Variants in ZNF500 observed in about 807,000 individuals in gnomAD.
ZNF500 encodes the protein zinc finger protein 500.
Under a neutral mutation model 30.1 loss-of-function variants are expected in ZNF500, and 31 were observed. That is an observed-to-expected ratio of 1.03 (90% confidence interval 0.77 to 1.39). The LOEUF is 1.39. ZNF500 is among the 40% of genes most tolerant of loss of function. The probability of loss-of-function intolerance (pLI) is 0.00; values close to 1 mark genes in which losing one functional copy is unlikely to be tolerated. For synonymous variants in ZNF500, 392 were observed against 282.0 expected, an observed-to-expected ratio of 1.39 and a Z score of -3.91; for missense variants, 817 against 657.8, an observed-to-expected ratio of 1.24 and a Z score of -2.65.
intron 3 of ZNF500, 28 bp downstream of exon 3, chr16:4,762,545 C>G: frequency 6.3e-7 from 1 of 1,591,988 alleles, no homozygotes; most frequent in Non-Finnish European, 8.6e-7. Flanking sequence ...TGCACCACTT[C>G]TCATTCCTCC....
At chr16:4,765,458 G>A in intron 2 of ZNF500, 107 bp downstream of exon 2, 1 of 1,462,186 alleles carries the variant, frequency 6.8e-7, no homozygotes, top group Non-Finnish European at 9.2e-7. Flanking sequence ...AGGGCTCAGG[G>A]GCCAGGCAGC....
downstream of ZNF500, among the ~76,000 whole-genome samples, chr16:4,745,808 C>G (rs1030910043): frequency 6.6e-6 from 1 of 152,078 alleles, no homozygotes; most frequent in African/African-American, 2.4e-5. Flanking sequence ...AAAAAATTTT[C>G]CAGGCATGTT....
At position 4,765,780 on chromosome 16, in the gene ZNF500, C is replaced by T; in HGVS notation, c.199G>A (p.Ala67Thr). 6.2e-7 allele frequency: 1 copy of T among 1,612,878 alleles called. No homozygotes were observed. The highest frequency in any genetic ancestry group is 1.7e-5 in the Admixed American group (1 of 59,992). The change falls in exon 2 of 6, where the codon GCC becomes ACC. Residue 67 changes from alanine (A) to threonine (T), a missense_variant. Physicochemically the swap from Ala to Thr is moderately conservative, Grantham distance 58. Coordinates refer to ENST00000219478, the MANE Select transcript of ZNF500 (RefSeq NM_021646.4). ...CACAGCTCCCAGAGGCGGCTCAGGG[C>T]CTCCCGGGGCCCAGCCACCTCCTGG... ...CYQEVAGPRE[A>T]LSRLWELCCR... is the part of the protein sequence containing the mutation.
At chr16:4,764,738 C>T (rs898410595) in intron 2 of ZNF500, among the ~76,000 whole-genome samples, 31 of 145,858 alleles carry the variant, frequency 2.1e-4, no homozygotes, top group Non-Finnish European at 3.4e-4. Flanking sequence ...GCCGAGATTG[C>T]GCCACTGCTC....
intron 1 of ZNF500, 168 bp from the exon 2 acceptor site, chr16:4,766,244 T>G: frequency 3.3e-4 from 109 of 328,756 alleles, no homozygotes; most frequent in East Asian, 9.4e-4. Flanking sequence ...AATTCCCGGG[T>G]AATTTACTGA....
chr16:4,765,448 A>G, intron 2 of ZNF500, 117 bp downstream of exon 2: 1 of 1,414,926 alleles, frequency 7.1e-7, no homozygotes, highest in African/African-American at 1.4e-5. Flanking sequence ...TTTCCTCAAA[A>G]GGGCTCAGGG....
chr16:4,746,891 G>C (rs775421710), downstream of ZNF500: 4 of 1,503,066 alleles, frequency 2.7e-6, no homozygotes, highest in South Asian at 3.8e-5. Flanking sequence ...ACCAGGTGGA[G>C]TGGGCACATC....
Position 4,760,497 on chromosome 16 carries a change from T to C in ZNF500, c.755A>G (p.Asn252Ser). ...CACAATCACTTGCAAGTTACCTTCATTCTCCAGCGGCGCGTCCCGCTGAGC... is the reference window on the plus strand; with the variant it reads ...CACAATCACTTGCAAGTTACCTTCACTCTCCAGCGGCGCGTCCCGCTGAGC... ...DPAQRDAPLE[N>S]EGPGIQLEDG... is the part of the protein sequence containing the mutation. The change falls in exon 5 of 6, where the codon AAT becomes AGT. Residue 252 changes from asparagine to serine, a missense_variant. Transcript: ENST00000219478. 6.2e-7 allele frequency: 1 copy of C among 1,613,486 alleles called. No individual in the cohort carries two copies. Among genetic ancestry groups the C allele is most frequent in the Non-Finnish European group, 8.5e-7 (1 of 1,179,686 alleles).
intron 2 of ZNF500, chr16:4,764,092 G>T: frequency 2.0e-6 from 2 of 985,476 alleles, no homozygotes; most frequent in Non-Finnish European, 2.4e-6. Flanking sequence ...GGGGCTGGAA[G>T]GAGGTGGAGA....
chr16:4,765,461 C>A (rs1430113926), intron 2 of ZNF500, 104 bp downstream of exon 2: 1 of 1,470,350 alleles, frequency 6.8e-7, no homozygotes, highest in African/African-American at 1.4e-5. Flanking sequence ...GCTCAGGGGC[C>A]AGGCAGCCAC....
In ZNF500 at chr16:4,752,862, A is replaced by T; in HGVS notation, c.957T>A (p.His319Gln). 1 of 1,613,938 alleles carries T rather than the reference A, an allele frequency of 6.2e-7. No individual in the cohort carries two copies. Among genetic ancestry groups the T allele is most frequent in the South Asian group, 1.1e-5 (1 of 91,084 alleles). The change falls in exon 6 of 6, where the codon CAT becomes CAA. Residue 319 changes from histidine (H) to glutamine (Q), a missense_variant. Coordinates refer to ENST00000219478, the MANE Select transcript of ZNF500 (RefSeq NM_021646.4). ...GGPPPGRRAS[H>Q]GADKPYTCPE... ...GGCAGGTGTACGGCTTGTCAGCCCC[A>T]TGGGAAGCCCGTCTTCCTGGTGGGG...
At position 4,751,382 on chromosome 16, in the gene ZNF500, G is replaced by A; in HGVS notation, c.*994C>T. The stretch of plus-strand genomic sequence containing the variant: ...GGAGCAAACGCAGCCCTGGGCCCCG[G>A]CCCTGGGGAGATGTCAGGCCCGTCA... On this transcript the variant is annotated 3_prime_UTR_variant, in exon 6 of 6. Coordinates refer to ENST00000219478, the MANE Select transcript of ZNF500 (RefSeq NM_021646.4). 1 of 579,116 alleles carries A rather than the reference G, an allele frequency of 1.7e-6. No homozygotes were observed. Among genetic ancestry groups the A allele is most frequent in the Non-Finnish European group, 3.0e-6 (1 of 332,498 alleles). The allele number at this position is 579,116 out of a possible 1,614,324, so 35.9% of individuals were successfully genotyped here.
Position 4,752,390 on chromosome 16 carries a change from CG to C in ZNF500, c.1428del (p.Gly477ValfsTer9). On this transcript the variant is annotated frameshift_variant, in exon 6 of 6. Transcript: ENST00000219478. LOFTEE classifies it high-confidence loss of function. ...AGGCCTGGTGATCAGGCTTTGGCAC[CG>C]GGGCCTCCAGGAGCCACCGGCTGGA... ...PTLQPVAPGG[P>X]GAKA 6.6e-7 allele frequency: 1 copy of C among 1,505,736 alleles called. No individual in the cohort carries two copies. Among genetic ancestry groups the C allele is most frequent in the Non-Finnish European group, 8.8e-7 (1 of 1,130,206 alleles). The allele number at this position is 1,505,736 out of a possible 1,614,324, so 93.3% of individuals were successfully genotyped here.
chr16:4,752,760 G>A lies in ZNF500; in HGVS notation c.1059C>T (p.Tyr353=), dbSNP rs146768379. Reference sequence around the variant, plus strand: ...AGCCCTTCCCACAGACTAGGCACTTGTAAGGCCGCTCGCCCGTGTGTGTGC... The same window carrying A: ...AGCCCTTCCCACAGACTAGGCACTTATAAGGCCGCTCGCCCGTGTGTGTGC... ...HQRTHTGERP[Y]KCLVCGKGFS... Residue 353 remains tyrosine, a synonymous_variant, in exon 6 of 6, where the codon TAC becomes TAT. Transcript: ENST00000219478. 4.3e-6 allele frequency: 7 copies of A among 1,614,212 alleles called. No homozygotes were observed. In the Admixed American group the frequency reaches 8.3e-5, roughly 19 times the overall value.
downstream of ZNF500, chr16:4,746,521 G>A (rs2082019478): frequency 6.2e-7 from 1 of 1,611,710 alleles, no homozygotes; most frequent in Non-Finnish European, 8.5e-7. Flanking sequence ...AGGTCCGGAG[G>A]GCAGTGACTA....
chr16:4,766,658 G>T (rs1205310949), intron 1 of ZNF500, among the ~76,000 whole-genome samples: 1 of 152,174 alleles, frequency 6.6e-6, no homozygotes, highest in Non-Finnish European at 1.5e-5. Context: ...CAGAGCTCGA[G>T]AATCGTTATT....
rs2082077448 is a variant in ZNF500, at chr16:4,751,515, G to C, written c.*861C>G. 2.0e-6 allele frequency: 3 copies of C among 1,482,508 alleles called. No individual in the cohort carries two copies. The highest frequency in any genetic ancestry group is 2.7e-6 in the Non-Finnish European group (3 of 1,111,314). The allele number at this position is 1,482,508 out of a possible 1,614,324, so 91.8% of individuals were successfully genotyped here. A position where few individuals can be genotyped will look rare whatever the true frequency, so the allele number is the denominator to read the frequency against. On this transcript the variant is annotated 3_prime_UTR_variant, in exon 6 of 6. Transcript: ENST00000219478. ...GATCTGCAAAGGGGACTGGAATGCT[G>C]CAGAGCCCCGGGCTCCATTTGGAAA...
At position 4,762,122 on chromosome 16, in the gene ZNF500, T is replaced by A. The variant is rs563839060; in HGVS notation, c.663+149A>T. The A allele has an allele frequency of 4.4e-6, 4 of 899,822 alleles. No homozygotes were observed. The South Asian group carries it at 4.5e-5, about 10-fold the overall frequency. The allele number at this position is 899,822 out of a possible 1,614,324, so 55.7% of individuals were successfully genotyped here. ...AGGCCAGGGGAAGTGACTCCAGGGT[T>A]GGGGCAAAGGGAGAAAACTCCAGGG... On this transcript the variant is annotated intron_variant, in intron 4 of 5. Transcript: ENST00000219478.
chr16:4,745,676 C>G (rs187697793), downstream of ZNF500, among the ~76,000 whole-genome samples: 1 of 152,180 alleles, frequency 6.6e-6, no homozygotes, highest in Non-Finnish European at 1.5e-5. Context: ...CCTGGCTGGG[C>G]GCGGTGGCTC....
Sources: gnomAD v4.1 joint callset for allele counts (sites outside exome capture counted in the v4.1 genomes callset) on GRCh38, gnomAD v4.1.1 for gene constraint, MANE v1.5 for transcripts, NCBI Gene and HGNC (gene_info 2026-07-23, HGNC 2026-07-21) for gene names.